The following TCERG1L variants were observed in gnomAD, a reference collection of about 807,000 sequenced individuals.
The protein encoded by TCERG1L is transcription elongation regulator 1-like protein.
TCERG1L carries 37 observed loss-of-function variants against 56.3 expected under a neutral mutation model. The ratio of observed to expected loss-of-function variants is 0.66; its 90% CI spans 0.51 to 0.87. TCERG1L has a LOEUF of 0.87. Among genes scored for constraint, TCERG1L ranks in the 40% least tolerant of loss-of-function variants. The pLI is 0.00. For missense variants in TCERG1L, 799 were observed against 774.2 expected, an observed-to-expected ratio of 1.03 and a Z score of -0.38; for synonymous variants, 324 against 326.3, an observed-to-expected ratio of 0.99 and a Z score of 0.08.
chr10:131,228,065 G>C (rs1435162204), intron 4 of TCERG1L, among the ~76,000 whole-genome samples: 1 of 151,852 alleles, frequency 6.6e-6, no homozygotes, highest in African/African-American at 2.4e-5. Context: ...GCATTGCAGG[G>C]CTATGTTTCT....
At chr10:131,112,297 G>A (rs1845419772) in intron 9 of TCERG1L, among the ~76,000 whole-genome samples, 1 of 142,464 alleles carries the variant, frequency 7.0e-6, no homozygotes, top group Admixed American at 6.9e-5. Context: ...ACACTGTCCT[G>A]GAGATGCCTG....
chr10:131,289,111 A>G (rs1846578341), intron 3 of TCERG1L, among the ~76,000 whole-genome samples: 1 of 152,072 alleles, frequency 6.6e-6, no homozygotes, highest in African/African-American at 2.4e-5. Flanking sequence ...CTGAATTTTA[A>G]AAACAGATTG....
intron 4 of TCERG1L, among the ~76,000 whole-genome samples, chr10:131,176,652 G>A (rs145382099): frequency 0.15 from 1,889 of 12,868 alleles, 42 homozygotes; most frequent in Non-Finnish European, 0.18. Context: ...CAAGACACAT[G>A]TACACACAGA....
intron 7 of TCERG1L, among the ~76,000 whole-genome samples, chr10:131,136,894 C>A (rs1462062214): frequency 1.3e-5 from 2 of 151,704 alleles, no homozygotes; most frequent in Non-Finnish European, 2.9e-5. Flanking sequence ...GTAATCCCAG[C>A]ACTTTGGGAG....
rs186505216 is a variant in TCERG1L, at chr10:131,210,762, C to T, written c.857-43877G>A. ...TTTGCTAACCACCCCATCAGGCCCA[C>T]GTTACAAACATATTTTGCTTATTAG... On this transcript the variant is annotated intron_variant, in intron 4 of 11. Transcript: ENST00000368642. 7.9e-5 allele frequency among the ~76,000 whole-genome samples: 12 copies of T among 152,226 alleles called. 1 individual carries two copies. The highest frequency in any genetic ancestry group is 3.3e-4 in the Admixed American group (5 of 15,288).
At chr10:131,203,114 C>A (rs181071633) in intron 4 of TCERG1L, among the ~76,000 whole-genome samples, 74 of 152,258 alleles carry the variant, frequency 4.9e-4, no homozygotes, top group African/African-American at 1.5e-3. Context: ...TAGACAACAG[C>A]CCTCAAAGCT....
At chr10:131,125,574 T>C (rs1242212465) in intron 8 of TCERG1L, among the ~76,000 whole-genome samples, 2 of 152,228 alleles carry the variant, frequency 1.3e-5, no homozygotes, top group African/African-American at 4.8e-5. Flanking sequence ...CTCTAGTTTT[T>C]TAGCCTTGAC....
chr10:131,292,921 G>T (rs1256065110), intron 3 of TCERG1L, among the ~76,000 whole-genome samples: 1 of 151,524 alleles, frequency 6.6e-6, no homozygotes, highest in African/African-American at 2.4e-5. Flanking sequence ...TGCGATCTCG[G>T]CTCACTGCAA....
At chr10:131,152,543 T>C (rs12256211) in intron 6 of TCERG1L, among the ~76,000 whole-genome samples, 30,761 of 152,088 alleles carry the variant, frequency 0.2, 3,484 homozygotes, top group East Asian at 0.35. Context: ...GCCCTCCAAG[T>C]CTCTAGGAAG....
chr10:131,229,841 A>C (rs754924640), intron 4 of TCERG1L, among the ~76,000 whole-genome samples: 2 of 150,978 alleles, frequency 1.3e-5, no homozygotes, highest in Non-Finnish European at 2.9e-5. Flanking sequence ...AAATTTAAAG[A>C]AGTGATAATA....
chr10:131,213,715 C>T (rs948881543), intron 4 of TCERG1L, among the ~76,000 whole-genome samples: 1 of 152,346 alleles, frequency 6.6e-6, no homozygotes, highest in Admixed American at 6.5e-5. Flanking sequence ...TCTCCCTGGA[C>T]CCTGCTCTCC....
chr10:131,268,958 CTGGAG>C (rs1344208918), intron 3 of TCERG1L, among the ~76,000 whole-genome samples: 1 of 152,230 alleles, frequency 6.6e-6, no homozygotes, highest in African/African-American at 2.4e-5. Context: ...TTGTTGTTCA[CTGGAG>C]TAGCACTTTT....
At chr10:131,249,549 G>T (rs1297674760) in intron 4 of TCERG1L, among the ~76,000 whole-genome samples, 3 of 152,220 alleles carry the variant, frequency 2.0e-5, no homozygotes, top group Admixed American at 2.0e-4. Context: ...CGCACACTGG[G>T]GTCCTTGCAG....
chr10:131,219,443 G>A (rs1330501379), intron 4 of TCERG1L, among the ~76,000 whole-genome samples: 1 of 152,216 alleles, frequency 6.6e-6, no homozygotes, highest in Non-Finnish European at 1.5e-5. Context: ...CAGGCTCTGG[G>A]GATGCCAGGC....
intron 3 of TCERG1L, among the ~76,000 whole-genome samples, chr10:131,261,279 C>A (rs891760791): frequency 1.3e-5 from 2 of 152,212 alleles, no homozygotes; most frequent in South Asian, 4.1e-4. Flanking sequence ...TTTGTAGGTG[C>A]CATTTTATAT....
At chr10:131,280,910 G>A (rs193236884) in intron 3 of TCERG1L, among the ~76,000 whole-genome samples, 34 of 152,242 alleles carry the variant, frequency 2.2e-4, no homozygotes, top group Admixed American at 1.0e-3. Flanking sequence ...ATAAAGTGAA[G>A]AAATTTTGCT....
intron 10 of TCERG1L, among the ~76,000 whole-genome samples, chr10:131,102,851 G>A (rs969812790): frequency 2.6e-5 from 4 of 152,010 alleles, no homozygotes; most frequent in Non-Finnish European, 4.4e-5. Flanking sequence ...TCAGACCATC[G>A]GTCCCTCTCC....
At position 131,166,849 on chromosome 10, in the gene TCERG1L, G is replaced by A. The variant is rs754798056; in HGVS notation, c.893C>T (p.Pro298Leu). 1.9e-5 allele frequency: 31 copies of A among 1,613,534 alleles called. No individual in the cohort carries two copies. The highest frequency in any genetic ancestry group is 2.6e-5 in the Non-Finnish European group (31 of 1,179,908). ...RTERGRVARPPALMLRAQKSR... is the reference protein window; with the variant it reads ...RTERGRVARPLALMLRAQKSR... ...CTTCTGGGCCCGCAGCATCAGGGCA[G>A]GAGGGCGGGCCACTCGGCCCCGCTC... The change falls in exon 5 of 12, where the codon CCT becomes CTT. Residue 298 changes from proline to leucine, a missense_variant. Transcript: ENST00000368642.
At chr10:131,211,725 G>A (rs1845622764) in intron 4 of TCERG1L, among the ~76,000 whole-genome samples, 1 of 152,192 alleles carries the variant, frequency 6.6e-6, no homozygotes, top group Non-Finnish European at 1.5e-5. Context: ...CGGCTGGGCG[G>A]TGGACTCGGG....
Sources: allele counts gnomAD v4.1 joint callset (sites outside exome capture counted in the v4.1 genomes callset), GRCh38; gene constraint gnomAD v4.1.1; transcripts MANE v1.5; gene names NCBI Gene and HGNC (gene_info 2026-07-23, HGNC 2026-07-21).